GRIA4: variants seen among roughly 807,000 people sequenced by gnomAD.
The protein encoded by GRIA4 is glutamate ionotropic receptor AMPA type subunit 4.
A neutral mutation model predicts 104.0 loss-of-function variants in GRIA4; 34 were observed. The observed-to-expected ratio is 0.33, with a 90% confidence interval of 0.25 to 0.44. The LOEUF (loss-of-function observed/expected upper bound fraction) is 0.44, where lower values mean the gene tolerates loss of function less well. Ranked by LOEUF, GRIA4 falls within the 20% of genes least tolerant of loss-of-function variation. The pLI, the probability that GRIA4 is intolerant of heterozygous loss-of-function variation, is 1.00. For synonymous variants in GRIA4, 386 were observed against 381.9 expected, an observed-to-expected ratio of 1.01 and a Z score of -0.13; for missense variants, 750 against 1,096.5, an observed-to-expected ratio of 0.68 and a Z score of 4.46.
intron 4 of GRIA4, among the ~76,000 whole-genome samples, chr11:105,760,583 T>C (rs1205272184): frequency 1.3e-5 from 2 of 152,194 alleles, no homozygotes; most frequent in Non-Finnish European, 2.9e-5. Flanking sequence ...ATTTTTCTGT[T>C]TTCTGGATGA....
chr11:105,716,829 T>C (rs916982586), intron 3 of GRIA4, among the ~76,000 whole-genome samples: 1 of 152,130 alleles, frequency 6.6e-6, no homozygotes, highest in African/African-American at 2.4e-5. Context: ...AGATGGACTC[T>C]AATCTTTAAC....
intron 14 of GRIA4, among the ~76,000 whole-genome samples, chr11:105,944,785 C>A (rs1192684986): frequency 6.6e-6 from 1 of 151,980 alleles, no homozygotes; most frequent in Non-Finnish European, 1.5e-5. Flanking sequence ...GCCCATGAGC[C>A]TCTCACTATG....
intron 5 of GRIA4, among the ~76,000 whole-genome samples, chr11:105,882,644 C>A (rs969736594): frequency 6.6e-6 from 1 of 152,074 alleles, no homozygotes; most frequent in Non-Finnish European, 1.5e-5. Context: ...TTCTTGAAAC[C>A]CACTGCGTTC....
At chr11:105,937,971 G>A (rs141316092) in intron 14 of GRIA4, among the ~76,000 whole-genome samples, 8 of 152,070 alleles carry the variant, frequency 5.3e-5, no homozygotes, top group South Asian at 2.1e-4. Flanking sequence ...GCAATAGCAC[G>A]GCAGGGGGAG....
intron 4 of GRIA4, among the ~76,000 whole-genome samples, chr11:105,787,484 T>TC (rs1402143131): frequency 6.9e-6 from 1 of 145,168 alleles, no homozygotes; most frequent in Non-Finnish European, 1.5e-5. Flanking sequence ...TTTTTTTTTT[T>TC]TTTTTTTTTG....
At chr11:105,904,728 A>T (rs1008122937) in intron 8 of GRIA4, among the ~76,000 whole-genome samples, 1 of 152,202 alleles carries the variant, frequency 6.6e-6, no homozygotes, top group Non-Finnish European at 1.5e-5. Flanking sequence ...GGAAATTTGG[A>T]ATAAAATATA....
intron 6 of GRIA4, among the ~76,000 whole-genome samples, chr11:105,894,182 A>G (rs1393015614): frequency 6.6e-6 from 1 of 152,178 alleles, no homozygotes; most frequent in Non-Finnish European, 1.5e-5. Flanking sequence ...TCGAGGGGAA[A>G]CAGTATTACA....
At chr11:105,652,868 C>T (rs909436820) in intron 3 of GRIA4, among the ~76,000 whole-genome samples, 4 of 152,084 alleles carry the variant, frequency 2.6e-5, no homozygotes, top group African/African-American at 7.2e-5. Flanking sequence ...TTTGTTCTTA[C>T]TCTAGATCTT....
intron 4 of GRIA4, among the ~76,000 whole-genome samples, chr11:105,860,984 T>C (rs1166645175): frequency 1.4e-5 from 2 of 137,986 alleles, no homozygotes; most frequent in African/African-American, 5.4e-5. Context: ...AAAAGAGAGA[T>C]GGAAAAAAGG....
chr11:105,736,143 G>A lies in GRIA4; in HGVS notation c.248-16838G>A, dbSNP rs1238380342. ...AATTCAGAGTACCCAGACACACTGGGCCTTTAATCCCTCTTGGCAACAATC... is the reference window on the plus strand; with the variant it reads ...AATTCAGAGTACCCAGACACACTGGACCTTTAATCCCTCTTGGCAACAATC... On this transcript the variant is annotated intron_variant, in intron 3 of 16. Transcript: ENST00000282499. Among the ~76,000 whole-genome samples, 7 of 152,088 alleles carry A rather than the reference G, an allele frequency of 4.6e-5. No individual in the cohort carries two copies. In the East Asian group the frequency reaches 9.6e-4, roughly 21 times the overall value.
chr11:105,753,293 T>G, intron 4 of GRIA4, 73 bp downstream of exon 4: 11 of 1,371,422 alleles, frequency 8.0e-6, no homozygotes, highest in Non-Finnish European at 1.1e-5. Flanking sequence ...ATGACTTCGG[T>G]TTTTAGCAAA....
At chr11:105,935,501 A>G (rs1200534827) in intron 14 of GRIA4, among the ~76,000 whole-genome samples, 1 of 152,212 alleles carries the variant, frequency 6.6e-6, no homozygotes, top group Non-Finnish European at 1.5e-5. Context: ...TGAAGAATAT[A>G]TAATTTCAAT....
chr11:105,747,344 C>T (rs534413563), intron 3 of GRIA4, among the ~76,000 whole-genome samples: 3 of 152,114 alleles, frequency 2.0e-5, no homozygotes, highest in South Asian at 4.2e-4. Flanking sequence ...ACTTTAAATA[C>T]GAATTAGAAC....
At chr11:105,944,890 T>TG (rs1948270380) in intron 14 of GRIA4, among the ~76,000 whole-genome samples, 1 of 152,204 alleles carries the variant, frequency 6.6e-6, no homozygotes, top group African/African-American at 2.4e-5. Context: ...TTTCCCATTG[T>TG]GAAAAAATAC....
intron 3 of GRIA4, among the ~76,000 whole-genome samples, chr11:105,748,701 A>G (rs990808148): frequency 6.6e-6 from 1 of 152,110 alleles, no homozygotes; most frequent in Non-Finnish European, 1.5e-5. Flanking sequence ...CACTTTTGTG[A>G]TACTTTAATA....
chr11:105,945,411 T>G (rs1170383698), intron 14 of GRIA4: 1 of 491,772 alleles, frequency 2.0e-6, no homozygotes. Flanking sequence ...AACTTGACTT[T>G]AATACAAGAC....
At chr11:105,929,137 C>G (rs1395466375) in intron 13 of GRIA4, among the ~76,000 whole-genome samples, 1 of 151,938 alleles carries the variant, frequency 6.6e-6, no homozygotes, top group Non-Finnish European at 1.5e-5. Context: ...CATTTCCTAC[C>G]CTGTTTGCTT....
chr11:105,834,451 A>C lies in GRIA4; in HGVS notation c.488-27573A>C, dbSNP rs532479336. On this transcript the variant is annotated intron_variant, in intron 4 of 16. Transcript: ENST00000282499. The stretch of plus-strand genomic sequence containing the variant: ...CTAAAATCAGCCCACACATTACATG[A>C]GTACAGCCTCACTAAACAGAGTGTC... 3.3e-5 allele frequency among the ~76,000 whole-genome samples: 5 copies of C among 152,206 alleles called. 1 individual carries two copies. The highest frequency in any genetic ancestry group is 1.2e-4 in the African/African-American group (5 of 41,556).
chr11:105,834,586 A>G (rs1944104889), intron 4 of GRIA4, among the ~76,000 whole-genome samples: 1 of 152,112 alleles, frequency 6.6e-6, no homozygotes, highest in Admixed American at 6.6e-5. Flanking sequence ...ATAAGAGGAC[A>G]GAAAAGGTCT....
Sources: gnomAD v4.1 joint callset for allele counts (sites outside exome capture counted in the v4.1 genomes callset) on GRCh38, gnomAD v4.1.1 for gene constraint, MANE v1.5 for transcripts, NCBI Gene and HGNC (gene_info 2026-07-23, HGNC 2026-07-21) for gene names.